The following EHF variants were observed in gnomAD, a reference collection of about 807,000 sequenced individuals.
EHF encodes the protein ESE3 transcription factor.
Under a neutral mutation model 45.1 loss-of-function variants are expected in EHF, and 14 were observed. That is an observed-to-expected ratio of 0.31 (90% CI 0.21 to 0.49). The LOEUF is 0.49. EHF is among the 20% of genes least tolerant of loss of function. The probability of loss-of-function intolerance (pLI) is 0.99; values close to 1 mark genes in which losing one functional copy is unlikely to be tolerated. For missense variants in EHF, 282 were observed against 371.4 expected (o/e 0.76, Z 1.98); for synonymous variants, 136 against 131.8 (o/e 1.03, Z -0.22).
chr11:34,658,551 T>C lies in EHF; in HGVS notation c.626T>C (p.Leu209Ser). ...TKKHNPRGTH[L>S]WEFIRDILLN... Reference sequence around the variant, plus strand: ...TCATCAGACCCGAGAGGGACTCACTTATGGGAATTCATCCGCGACATCCTC... The same window carrying C: ...TCATCAGACCCGAGAGGGACTCACTCATGGGAATTCATCCGCGACATCCTC... The change falls in exon 8 of 9, where the codon TTA (leucine) becomes TCA (serine). Residue 209 changes from leucine (L) to serine (S), a missense_variant. Physicochemically the swap from Leu to Ser is moderately radical, Grantham distance 145 (BLOSUM62 -2). This residue lies in a region of EHF where 41 missense variants were observed against 87.0 expected (regional missense o/e 0.47). Coordinates refer to ENST00000257831, the MANE Select transcript of EHF (RefSeq NM_012153.6). The C allele has an allele frequency of 1.2e-6, 2 of 1,613,314 alleles. No homozygotes were observed. Among genetic ancestry groups the C allele is most frequent in the Non-Finnish European group, 1.7e-6 (2 of 1,179,562 alleles).
chr11:34,651,151 C>T (rs1751539), intron 4 of EHF, among the ~76,000 whole-genome samples: 33,285 of 150,660 alleles, frequency 0.22, 4,069 homozygotes, highest in East Asian at 0.52. Flanking sequence ...ATAAATTAAT[C>T]CCTAACAAGG....
At chr11:34,634,386 G>T (rs1051194189) in intron 1 of EHF, among the ~76,000 whole-genome samples, 21 of 152,340 alleles carry the variant, frequency 1.4e-4, no homozygotes, top group African/African-American at 4.6e-4. Flanking sequence ...TTGCTCCTTT[G>T]GCTTCAGAGG....
intron 1 of EHF, among the ~76,000 whole-genome samples, chr11:34,626,263 C>T (rs993282895): frequency 6.6e-6 from 1 of 152,184 alleles, no homozygotes; most frequent in Non-Finnish European, 1.5e-5. Flanking sequence ...GCCTGTCCAG[C>T]CCTTTCTTAG....
At chr11:34,651,289 C>T (rs868311416) in intron 4 of EHF, among the ~76,000 whole-genome samples, 16 of 152,236 alleles carry the variant, frequency 1.1e-4, no homozygotes, top group Admixed American at 2.0e-4. Flanking sequence ...CCCATTCTTG[C>T]AACTTCTCTC....
chr11:34,646,934 A>T (rs1252853648), intron 3 of EHF: 2 of 528,502 alleles, frequency 3.8e-6, no homozygotes, highest in Non-Finnish European at 6.5e-6. Flanking sequence ...AATTTTCAAG[A>T]AGACAAAAGC....
intron 1 of EHF, among the ~76,000 whole-genome samples, chr11:34,626,782 G>T (rs2133979845): frequency 6.6e-6 from 1 of 152,338 alleles, no homozygotes; most frequent in Non-Finnish European, 1.5e-5. Flanking sequence ...GGAAGCTGCT[G>T]AGATGTGGTG....
intron 7 of EHF, 78 bp downstream of exon 7, chr11:34,657,048 C>A: frequency 6.6e-7 from 1 of 1,525,138 alleles, no homozygotes; most frequent in Non-Finnish European, 9.0e-7. Flanking sequence ...AGTTTTTTGG[C>A]AAATATCGCC....
At chr11:34,624,984 A>C (rs552343406) in intron 1 of EHF, among the ~76,000 whole-genome samples, 1 of 152,232 alleles carries the variant, frequency 6.6e-6, no homozygotes, top group South Asian at 2.1e-4. Context: ...ACCATCTTTA[A>C]GATCCATTTT....
chr11:34,659,986 C>G lies in EHF; in HGVS notation c.*1055C>G, dbSNP rs914377913. ...ATGTTCCCTGGGGGTGGCAAATTTGCCCTTGATTGAGAACCACCAGTTTAG... is the reference window on the plus strand; with the variant it reads ...ATGTTCCCTGGGGGTGGCAAATTTGGCCTTGATTGAGAACCACCAGTTTAG... On this transcript the variant is annotated 3_prime_UTR_variant, in exon 9 of 9. Coordinates refer to ENST00000257831, the MANE Select transcript of EHF (RefSeq NM_012153.6). 1 of 152,044 alleles carries G rather than the reference C, an allele frequency of 6.6e-6. No homozygotes were observed. The highest frequency in any genetic ancestry group is 2.4e-5 in the African/African-American group (1 of 41,398). The allele number at this position is 152,044 out of a possible 1,614,324, so 9.4% of individuals were successfully genotyped here.
At chr11:34,654,085 A>G (rs1051716195) in intron 6 of EHF, among the ~76,000 whole-genome samples, 2 of 152,194 alleles carry the variant, frequency 1.3e-5, no homozygotes, top group African/African-American at 4.8e-5. Flanking sequence ...AAATTTGTAT[A>G]TCCCGTAAAG....
At chr11:34,640,675 G>T (rs754428025) in intron 1 of EHF, among the ~76,000 whole-genome samples, 9 of 152,166 alleles carry the variant, frequency 5.9e-5, no homozygotes, top group Non-Finnish European at 1.3e-4. Flanking sequence ...CAGTTATTAT[G>T]AAAAAGGAAA....
intron 6 of EHF, among the ~76,000 whole-genome samples, chr11:34,655,263 A>T (rs984347564): frequency 2.0e-5 from 3 of 152,160 alleles, no homozygotes; most frequent in African/African-American, 2.4e-5. Context: ...CCATCCTGCC[A>T]TGACGTTTCG....
intron 1 of EHF, chr11:34,631,755 G>C (rs1476383332): frequency 1.2e-5 from 2 of 163,908 alleles, no homozygotes; most frequent in Non-Finnish European, 2.5e-5. Flanking sequence ...CTGAGATCTG[G>C]GTACACTGAG....
At chr11:34,647,419 A>C (rs1417765149) in intron 3 of EHF, among the ~76,000 whole-genome samples, 1 of 152,202 alleles carries the variant, frequency 6.6e-6, no homozygotes, top group African/African-American at 2.4e-5. Context: ...ATACACGAAC[A>C]TATCCTATAC....
intron 2 of EHF, among the ~76,000 whole-genome samples, chr11:34,644,996 G>A (rs144222257): frequency 2.0e-4 from 31 of 152,302 alleles, no homozygotes; most frequent in Non-Finnish European, 3.5e-4. Context: ...CCTTGAATTT[G>A]TTGGAATATC....
intron 2 of EHF, among the ~76,000 whole-genome samples, chr11:34,644,554 G>A (rs1022980983): frequency 2.0e-4 from 31 of 152,208 alleles, no homozygotes; most frequent in African/African-American, 7.0e-4. Flanking sequence ...TGTGAGTGGT[G>A]GGTATTACTA....
At chr11:34,627,059 A>G (rs149266796) in intron 1 of EHF, among the ~76,000 whole-genome samples, 1 of 151,966 alleles carries the variant, frequency 6.6e-6, no homozygotes, top group African/African-American at 2.4e-5. Flanking sequence ...GGGTGTTTTC[A>G]GTGAGTTTCT....
At chr11:34,632,443 G>C in intron 1 of EHF, 19 of 1,481,258 alleles carry the variant, frequency 1.3e-5, no homozygotes, top group Non-Finnish European at 1.7e-5. Flanking sequence ...GTCTCAGAGA[G>C]AGACATTCAG....
intron 1 of EHF, chr11:34,631,633 G>A (rs1480388094): frequency 1.1e-6 from 1 of 938,836 alleles, no homozygotes; most frequent in Non-Finnish European, 1.3e-6. Flanking sequence ...TTTGAGGTAG[G>A]TGTGGCTAGC....
Sources: gnomAD v4.1 joint callset for allele counts (sites outside exome capture counted in the v4.1 genomes callset) on GRCh38, gnomAD v4.1.1 for gene constraint, gnomAD v4.1.1 regional missense constraint, MANE v1.5 for transcripts, NCBI Gene and HGNC (gene_info 2026-07-23, HGNC 2026-07-21) for gene names.